PGM2: variants seen among roughly 807,000 people sequenced by gnomAD.
PGM2 encodes the protein phosphopentomutase.
In PGM2, 57 loss-of-function variants were observed where a neutral mutation model predicts 74.6. The observed-to-expected ratio is 0.76, with a 90% CI of 0.62 to 0.95. The LOEUF is 0.95. Ranked by LOEUF, PGM2 falls within the 40% of genes least tolerant of loss-of-function variation. The pLI is 0.00. For missense variants in PGM2, 706 were observed against 741.9 expected, an observed-to-expected ratio of 0.95 and a Z score of 0.56; for synonymous variants, 273 against 260.7, an observed-to-expected ratio of 1.05 and a Z score of -0.46.
At chr4:37,832,640 T>A (rs1350221215) in intron 2 of PGM2, among the ~76,000 whole-genome samples, 1 of 152,244 alleles carries the variant, frequency 6.6e-6, no homozygotes, top group African/African-American at 2.4e-5. Flanking sequence ...TATTTTGGGT[T>A]CTGTGTTCAT....
At chr4:37,859,606 C>A (rs1418385502) in intron 13 of PGM2, among the ~76,000 whole-genome samples, 1 of 145,154 alleles carries the variant, frequency 6.9e-6, no homozygotes, top group Non-Finnish European at 1.6e-5. Context: ...AGATATTAAT[C>A]ACACCTACAG....
Position 37,848,524 on chromosome 4 carries a change from T to TA in PGM2, c.1286dup (p.Tyr429Ter). ...VLFAFEEAIG[Y>*]MCCPFVLDKD... ...ATGTATGACGTGTGTTTCTGCAGGA[T>TA]ACATGTGCTGCCCTTTTGTTCTGGA... The change falls in exon 11 of 14, where the codon TAC becomes TAAC. Residue 429 changes from tyrosine to a stop codon, truncating the protein, a stop_gained and frameshift_variant. Transcript: ENST00000381967. LOFTEE classifies it high-confidence loss of function. 6.2e-7 allele frequency: 1 copy of TA among 1,613,148 alleles called. No individual in the cohort carries two copies. Among genetic ancestry groups the TA allele is most frequent in the Non-Finnish European group, 8.5e-7 (1 of 1,179,348 alleles).
intron 3 of PGM2, among the ~76,000 whole-genome samples, chr4:37,837,115 C>T (rs775631685): frequency 6.6e-6 from 1 of 152,158 alleles, no homozygotes; most frequent in Non-Finnish European, 1.5e-5. Flanking sequence ...CTGCCAGTAG[C>T]AACTCTCTCC....
chr4:37,838,903 T>A (rs1242203082), intron 4 of PGM2, among the ~76,000 whole-genome samples: 1 of 152,104 alleles, frequency 6.6e-6, no homozygotes, highest in Admixed American at 6.5e-5. Context: ...CTGCAGTGAT[T>A]CTTGGTGAAA....
intron 13 of PGM2, among the ~76,000 whole-genome samples, chr4:37,859,033 T>G (rs1711666396): frequency 6.6e-6 from 1 of 152,202 alleles, no homozygotes; most frequent in Non-Finnish European, 1.5e-5. Context: ...AGCAGCCATA[T>G]GTATAAAGGA....
chr4:37,844,944 G>C (rs1298152978), intron 7 of PGM2, among the ~76,000 whole-genome samples: 2 of 150,208 alleles, frequency 1.3e-5, no homozygotes, highest in Non-Finnish European at 3.0e-5. Flanking sequence ...CTCCAGCCTG[G>C]GTGACAGGGT....
Position 37,830,010 on chromosome 4 carries a change from A to G in PGM2, c.128A>G (p.Asn43Ser), listed in dbSNP as rs767818104. 1 of 1,609,936 alleles carries G rather than the reference A, an allele frequency of 6.2e-7. No homozygotes were observed. The highest frequency in any genetic ancestry group is 8.5e-7 in the Non-Finnish European group (1 of 1,178,416). Residue 43 changes from asparagine to serine, a missense_variant, in exon 2 of 14, where the codon AAT becomes AGT. By Grantham distance (46) the Asn-to-Ser change is conservative. Coordinates refer to ENST00000381967, the MANE Select transcript of PGM2 (RefSeq NM_018290.4). Reference protein sequence around the residue: ...EAVKRLIAEGNKEELRKCFGA... With the variant: ...EAVKRLIAEGSKEELRKCFGA... ...GTGAAACGACTAATAGCAGAAGGTA[A>G]TAAAGAAGAACTACGAAAATGTTTT...
At chr4:37,851,162 G>A (rs768897721) in intron 12 of PGM2, among the ~76,000 whole-genome samples, 9 of 152,142 alleles carry the variant, frequency 5.9e-5, no homozygotes, top group Non-Finnish European at 1.3e-4. Context: ...TTCTCTCCCT[G>A]TCAGGAGTTC....
At chr4:37,838,176 C>T (rs989375320) in intron 4 of PGM2, among the ~76,000 whole-genome samples, 5 of 152,202 alleles carry the variant, frequency 3.3e-5, no homozygotes, top group South Asian at 2.1e-4. Flanking sequence ...CCACCACGCC[C>T]GGCCTTTTCT....
intron 2 of PGM2, among the ~76,000 whole-genome samples, chr4:37,834,184 A>C (rs1055298201): frequency 1.3e-5 from 2 of 152,034 alleles, no homozygotes; most frequent in East Asian, 3.9e-4. Flanking sequence ...ATTTTTAAAA[A>C]TTAGTTGGGC....
Position 37,845,625 on chromosome 4 carries a change from T to G in PGM2, c.910-8T>G. 5 of 1,571,898 alleles carry G rather than the reference T, an allele frequency of 3.2e-6. No individual in the cohort carries two copies. The highest frequency in any genetic ancestry group is 4.4e-6 in the Non-Finnish European group (5 of 1,141,634). ...TAAATAATCTTTTATTTTCATATTC[T>G]TCTTCAGACTTTGTCTTTTGCTTTG... On this transcript the variant is annotated splice_polypyrimidine_tract_variant and splice_region_variant and intron_variant, in intron 7 of 13. Coordinates refer to ENST00000381967, the MANE Select transcript of PGM2 (RefSeq NM_018290.4).
At position 37,845,746 on chromosome 4, in the gene PGM2, A is replaced by T. The variant is rs1725854771; in HGVS notation, c.1007+16A>T. The T allele has an allele frequency of 1.4e-6, 2 of 1,402,862 alleles. No individual in the cohort carries two copies. Among genetic ancestry groups the T allele is most frequent in the Non-Finnish European group, 2.0e-6 (2 of 987,180 alleles). The allele number at this position is 1,402,862 out of a possible 1,614,324, so 86.9% of individuals were successfully genotyped here. A position where few individuals can be genotyped will look rare whatever the true frequency, so the allele number is the denominator to read the frequency against. On this transcript the variant is annotated intron_variant, in intron 8 of 13. Coordinates refer to ENST00000381967, the MANE Select transcript of PGM2 (RefSeq NM_018290.4). Reference sequence around the variant, plus strand: ...AGCAAGACAGGTAAAATTAATTGTGATTACCTATATTATAGAACATATAAA... The same window carrying T: ...AGCAAGACAGGTAAAATTAATTGTGTTTACCTATATTATAGAACATATAAA...
chr4:37,835,927 G>A (rs1233458939), intron 3 of PGM2, among the ~76,000 whole-genome samples: 1 of 152,234 alleles, frequency 6.6e-6, no homozygotes, highest in African/African-American at 2.4e-5. Context: ...AGAGAATGAT[G>A]TGGTATAAAC....
chr4:37,851,965 G>A (rs71604093), intron 12 of PGM2, among the ~76,000 whole-genome samples: 2 of 131,696 alleles, frequency 1.5e-5, no homozygotes, highest in African/African-American at 5.9e-5. Context: ...TTGTTTGTTT[G>A]TTTTCTTTTT....
chr4:37,851,482 C>T (rs1295405694), intron 12 of PGM2, among the ~76,000 whole-genome samples: 1 of 105,682 alleles, frequency 9.5e-6, no homozygotes, highest in Admixed American at 9.3e-5. Context: ...GTGTTGCTTT[C>T]TATGTTGGGG....
At chr4:37,858,395 G>T (rs1711627069) in intron 13 of PGM2, among the ~76,000 whole-genome samples, 1 of 151,668 alleles carries the variant, frequency 6.6e-6, no homozygotes, top group Non-Finnish European at 1.5e-5. Context: ...GGAGTGCAAT[G>T]GTGGAATCTT....
At chr4:37,828,334 A>G (rs1223412085) in intron 1 of PGM2, among the ~76,000 whole-genome samples, 1 of 152,010 alleles carries the variant, frequency 6.6e-6, no homozygotes, top group Non-Finnish European at 1.5e-5. Flanking sequence ...TTCTCTGGGT[A>G]GAGATGAGAT....
At position 37,840,269 on chromosome 4, in the gene PGM2, T is replaced by C. The variant is rs759412216; in HGVS notation, c.719+10T>C. On this transcript the variant is annotated intron_variant, in intron 6 of 13. Coordinates refer to ENST00000381967, the MANE Select transcript of PGM2 (RefSeq NM_018290.4). ...AGTACTGTTTCCACAGGTAAATGAA[T>C]TGTGTCTTCACTGACCTTAAGTGAG... 2 of 1,545,588 alleles carry C rather than the reference T, an allele frequency of 1.3e-6. No homozygotes were observed. Among genetic ancestry groups the C allele is most frequent in the African/African-American group, 2.7e-5 (2 of 73,450 alleles).
intron 6 of PGM2, among the ~76,000 whole-genome samples, chr4:37,841,806 A>G (rs912474940): frequency 6.6e-6 from 1 of 152,206 alleles, no homozygotes; most frequent in Non-Finnish European, 1.5e-5. Flanking sequence ...CCCCTTGTGC[A>G]CAGTTGCTTG....
Sources: allele counts gnomAD v4.1 joint callset (sites outside exome capture counted in the v4.1 genomes callset), GRCh38; gene constraint gnomAD v4.1.1; transcripts MANE v1.5; gene names NCBI Gene and HGNC (gene_info 2026-07-23, HGNC 2026-07-21).